The following NCKAP5 variants were observed in gnomAD, a reference collection of about 807,000 sequenced individuals.
The protein encoded by NCKAP5 is NCK associated protein 5, also known as nck-associated protein 5.
In NCKAP5, 92 loss-of-function variants were observed where a neutral mutation model predicts 167.0. The observed-to-expected ratio is 0.55, with a 90% CI of 0.47 to 0.66. The LOEUF (loss-of-function observed/expected upper bound fraction) is 0.66. Ranked by LOEUF, NCKAP5 falls within the 30% of genes least tolerant of loss-of-function variation. The pLI is 0.00. For missense variants in NCKAP5, 2,378 were observed against 2,315.0 expected (o/e 1.03, Z -0.56); for synonymous variants, 891 against 877.4 (o/e 1.02, Z -0.27).
chr2:133,473,609 C>A (rs1679558597), intron 3 of NCKAP5, among the ~76,000 whole-genome samples: 1 of 152,206 alleles, frequency 6.6e-6, no homozygotes, highest in South Asian at 2.1e-4. Context: ...AGTTTCTAAT[C>A]ATATACATTT....
At chr2:132,823,257 T>C (rs759503195) in intron 11 of NCKAP5, among the ~76,000 whole-genome samples, 12 of 152,284 alleles carry the variant, frequency 7.9e-5, no homozygotes, top group Admixed American at 3.9e-4. Flanking sequence ...CATCAGATTA[T>C]CTAAAGTCAA....
intron 4 of NCKAP5, among the ~76,000 whole-genome samples, chr2:133,286,433 T>A (rs1175945107): frequency 6.6e-6 from 1 of 152,194 alleles, no homozygotes; most frequent in East Asian, 1.9e-4. Flanking sequence ...ATTTTCTAAA[T>A]TTAAAACACT....
chr2:132,726,329 C>G (rs1322409638), intron 18 of NCKAP5, among the ~76,000 whole-genome samples: 1 of 152,228 alleles, frequency 6.6e-6, no homozygotes, highest in Non-Finnish European at 1.5e-5. Context: ...AGTTCATGGG[C>G]TGAGGAGCCC....
intron 3 of NCKAP5, among the ~76,000 whole-genome samples, chr2:133,406,198 A>C (rs2151038446): frequency 6.6e-6 from 1 of 152,362 alleles, no homozygotes; most frequent in South Asian, 2.1e-4. Flanking sequence ...GTTTTACCTG[A>C]GTATTGATAC....
the NCKAP5 span, among the ~76,000 whole-genome samples, chr2:133,646,909 A>G: frequency 6.6e-6 from 1 of 152,212 alleles, no homozygotes; most frequent in East Asian, 1.9e-4. Context: ...ACCTTAAAGT[A>G]GGCTTTTATA....
At chr2:132,956,110 T>A (rs1205721378) in intron 8 of NCKAP5, among the ~76,000 whole-genome samples, 1 of 152,190 alleles carries the variant, frequency 6.6e-6, no homozygotes, top group Non-Finnish European at 1.5e-5. Flanking sequence ...CCACAAAAAA[T>A]GTTAAGTATG....
chr2:133,010,070 C>CAAA (rs1252875422), intron 6 of NCKAP5, among the ~76,000 whole-genome samples: 2 of 114,340 alleles, frequency 1.7e-5, no homozygotes, highest in Non-Finnish European at 3.9e-5. Context: ...GATTCTGTCT[C>CAAA]AAAAAAAAAA....
intron 12 of NCKAP5, among the ~76,000 whole-genome samples, chr2:132,795,839 C>CAA (rs1246383506): frequency 1.2e-4 from 13 of 110,634 alleles, no homozygotes; most frequent in Admixed American, 2.0e-4. Context: ...AAAAAAAAAA[C>CAA]AAAAAAAACA....
intron 6 of NCKAP5, among the ~76,000 whole-genome samples, chr2:133,088,517 T>C (rs535817363): frequency 6.6e-6 from 1 of 152,248 alleles, no homozygotes; most frequent in Non-Finnish European, 1.5e-5. Context: ...TTACCATACC[T>C]CCTACTCTAA....
At chr2:133,059,543 C>T (rs1434453057) in intron 6 of NCKAP5, among the ~76,000 whole-genome samples, 1 of 150,978 alleles carries the variant, frequency 6.6e-6, no homozygotes, top group Non-Finnish European at 1.5e-5. Context: ...CCTGGTGGCA[C>T]ATGCCTGTGG....
At chr2:133,461,711 G>C (rs1253228753) in intron 3 of NCKAP5, among the ~76,000 whole-genome samples, 2 of 152,206 alleles carry the variant, frequency 1.3e-5, no homozygotes, top group Non-Finnish European at 2.9e-5. Context: ...GTGAGATCCT[G>C]ATGACACAGC....
the NCKAP5 span, among the ~76,000 whole-genome samples, chr2:133,637,476 C>CAAAAAAAAAAA: frequency 3.2e-4 from 10 of 31,670 alleles, no homozygotes; most frequent in African/African-American, 1.6e-3. Context: ...TGGTATTTTC[C>CAAAAAAAAAAA]AAAAAAAAAA....
intron 9 of NCKAP5, among the ~76,000 whole-genome samples, chr2:132,876,979 A>C (rs908796874): frequency 6.6e-6 from 1 of 152,228 alleles, no homozygotes; most frequent in Non-Finnish European, 1.5e-5. Context: ...AGTCACATAA[A>C]TCTGACTTCT....
intron 6 of NCKAP5, among the ~76,000 whole-genome samples, chr2:133,014,965 A>G (rs1194545247): frequency 3.3e-5 from 5 of 152,240 alleles, no homozygotes; most frequent in Non-Finnish European, 5.9e-5. Flanking sequence ...TATATGGTTC[A>G]ACCTAATAAA....
chr2:133,023,557 A>G (rs963465467), intron 6 of NCKAP5, among the ~76,000 whole-genome samples: 3 of 152,152 alleles, frequency 2.0e-5, no homozygotes, highest in Admixed American at 6.5e-5. Context: ...CCAGGTACTG[A>G]GCGTATTACC....
chr2:133,206,190 T>A (rs1047784737), intron 5 of NCKAP5, among the ~76,000 whole-genome samples: 2 of 152,292 alleles, frequency 1.3e-5, no homozygotes, highest in Non-Finnish European at 2.9e-5. Flanking sequence ...AGTGGGGATA[T>A]CCTTTATCAA....
intron 8 of NCKAP5, among the ~76,000 whole-genome samples, chr2:132,946,667 G>C (rs943317871): frequency 6.6e-6 from 1 of 152,118 alleles, no homozygotes; most frequent in African/African-American, 2.4e-5. Context: ...GAAGCCGAGG[G>C]GGGTGGATCA....
the NCKAP5 span, among the ~76,000 whole-genome samples, chr2:133,612,373 T>C: frequency 1.7e-3 from 265 of 152,354 alleles, 10 homozygotes; most frequent in East Asian, 0.047. Context: ...GTTGAGAGCA[T>C]CTGGATTGAA....
chr2:132,707,737 T>G (rs917891610), intron 19 of NCKAP5, among the ~76,000 whole-genome samples: 4 of 152,150 alleles, frequency 2.6e-5, no homozygotes, highest in African/African-American at 9.6e-5. Flanking sequence ...AACATGAGGG[T>G]GAGCCCAGAA....
Sources: gnomAD v4.1 joint callset for allele counts (sites outside exome capture counted in the v4.1 genomes callset) on GRCh38, gnomAD v4.1.1 for gene constraint, MANE v1.5 for transcripts, NCBI Gene and HGNC (gene_info 2026-07-23, HGNC 2026-07-21) for gene names.